The following CBARP variants were observed in gnomAD, a reference collection of about 807,000 sequenced individuals.
The protein encoded by CBARP is voltage-dependent calcium channel beta subunit-associated regulatory protein.
CBARP carries 24 observed loss-of-function variants against 36.3 expected under a neutral mutation model. That is an observed-to-expected ratio of 0.66 (90% CI 0.48 to 0.93). The LOEUF is 0.93. Among genes scored for constraint, CBARP ranks in the 40% least tolerant of loss-of-function variants. The pLI is 0.00. For missense variants in CBARP, 1,146 were observed against 980.4 expected, an observed-to-expected ratio of 1.17 and a Z score of -2.26; for synonymous variants, 586 against 453.2, an observed-to-expected ratio of 1.29 and a Z score of -3.72.
chr19:1,235,876 C>A lies in CBARP; in HGVS notation c.148G>T (p.Val50Leu). 1 of 1,612,380 alleles carries A rather than the reference C, an allele frequency of 6.2e-7. No homozygotes were observed. Among genetic ancestry groups the A allele is most frequent in the Non-Finnish European group, 8.5e-7 (1 of 1,179,934 alleles). Residue 50 changes from valine to leucine, a missense_variant, in exon 3 of 10, where the codon GTG becomes TTG. Coordinates refer to ENST00000650044, the MANE Select transcript of CBARP (RefSeq NM_001393918.1). The part of the protein sequence containing the change: ...PILDNYVLLV[V>L]VMSLFVGGTL... ...CCCCCCACGAACAGCGACATCACCA[C>A]CACCAGCAGCACGTAGTTGTCCAGG...
intron 1 of CBARP, 42 bp from the exon 2 acceptor site, chr19:1,236,163 C>G: frequency 7.3e-7 from 1 of 1,362,468 alleles, no homozygotes; most frequent in Non-Finnish European, 9.4e-7. Flanking sequence ...AGACCTACTT[C>G]TCCTGCAGGA....
chr19:1,231,509 C>T (rs1416372086), intron 8 of CBARP, among the ~76,000 whole-genome samples: 2 of 99,840 alleles, frequency 2.0e-5, no homozygotes, highest in Non-Finnish European at 4.2e-5. Flanking sequence ...ACATAGAACG[C>T]CTGTGCCCCC....
Position 1,229,765 on chromosome 19 carries a change from C to T in CBARP, c.1532G>A (p.Arg511His). ...TGGCTCGGTGTCGTCGCCTGCGCCGCGGCCCTCGATGCTGGCGTAGCCACT... is the reference window on the plus strand; with the variant it reads ...TGGCTCGGTGTCGTCGCCTGCGCCGTGGCCCTCGATGCTGGCGTAGCCACT... ...MDSGYASIEG[R>H]GAGDDTEPPA... The change falls in exon 10 of 10, where the codon CGC becomes CAC. Residue 511 changes from arginine to histidine, a missense_variant. Physicochemically the swap from Arg to His is conservative, Grantham distance 29. Coordinates refer to ENST00000650044, the MANE Select transcript of CBARP (RefSeq NM_001393918.1). This position sits in a 1 kb window ranked among gnomAD's most constrained non-coding sequence, Gnocchi z 5.1. The T allele has an allele frequency of 3.9e-6, 4 of 1,012,830 alleles. No individual in the cohort carries two copies. The highest frequency in any genetic ancestry group is 3.1e-5 in the South Asian group (1 of 32,086). The allele number at this position is 1,012,830 out of a possible 1,614,324, so 62.7% of individuals were successfully genotyped here.
At chr19:1,233,343 C>T (rs898786336) in intron 8 of CBARP, 83 bp downstream of exon 8, 14 of 1,364,712 alleles carry the variant, frequency 1.0e-5, no homozygotes, top group East Asian at 2.5e-5. Flanking sequence ...CCACAACCTC[C>T]TGCTCCTGGA....
rs545968500 is a variant in CBARP, at chr19:1,235,538, G to T, written c.273C>A (p.Thr91=). 10 of 1,606,902 alleles carry T rather than the reference G, an allele frequency of 6.2e-6. No homozygotes were observed. In the South Asian group the frequency reaches 1.1e-4, roughly 18 times the overall value. The change falls in exon 4 of 10, where the codon ACC becomes ACA. Residue 91 remains threonine, a synonymous_variant. Coordinates refer to ENST00000650044, the MANE Select transcript of CBARP (RefSeq NM_001393918.1). ...NRAMEEAEKT[T]TTYLDNGTHP... is the part of the protein sequence containing the mutation. Reference sequence around the variant, plus strand: ...GGGTGCCGTTGTCCAGGTAGGTGGTGGTGGTCTTCTCCGCTTCCTCCATGG... The same window carrying T: ...GGGTGCCGTTGTCCAGGTAGGTGGTTGTGGTCTTCTCCGCTTCCTCCATGG...
rs778477635 is a variant in CBARP at position 1,233,450 on chromosome 19, G to A, written c.955C>T (p.Arg319Trp). 8.1e-6 allele frequency: 13 copies of A among 1,595,544 alleles called. No individual in the cohort carries two copies. Among genetic ancestry groups the A allele is most frequent in the South Asian group, 4.5e-5 (4 of 88,788 alleles). ...CCTCTCGTGTCCAGACTGGCTGCCC[G>A]CTGGCTGGGCTCCAGCTTCCACTTC... ...VKKWKLEPSQRAASLDTRGSP... is the reference protein window; with the variant it reads ...VKKWKLEPSQWAASLDTRGSP... Residue 319 changes from arginine to tryptophan, a missense_variant, in exon 8 of 10, where the codon CGG becomes TGG. Coordinates refer to ENST00000650044, the MANE Select transcript of CBARP (RefSeq NM_001393918.1).
rs2080874569 is a variant in CBARP, at chr19:1,230,397, G to C, written c.1155-255C>G. ...TGCAGACGGCGGGGCCCCCTCCCTT[G>C]GAAGCCCCCAGGAAAAGTCAACATG... On this transcript the variant is annotated intron_variant, in intron 9 of 9. Transcript: ENST00000650044. 12 of 987,566 alleles carry C rather than the reference G, an allele frequency of 1.2e-5. No homozygotes were observed. The South Asian group carries it at 5.2e-4, about 42-fold the overall frequency. 61.2% of individuals were successfully genotyped at this position (987,566 alleles called of 1,614,324 possible). A position where few individuals can be genotyped will look rare whatever the true frequency, so the allele number is the denominator to read the frequency against.
chr19:1,229,530 G>A lies in CBARP; in HGVS notation c.1767C>T (p.Asp589=), dbSNP rs889171640. ...KQWQRGRQHS[D]PGARAAPALA... ...GGGCCGGGGCCGCGCGGGCGCCGGG[G>A]TCGCTGTGCTGCCGGCCACGCTGCC... Residue 589 remains aspartate (D), a synonymous_variant, in exon 10 of 10, where the codon GAC becomes GAT. Transcript: ENST00000650044. The surrounding 1 kb of genome is among the most constrained non-coding windows in gnomAD (Gnocchi z 5.1). 6.1e-6 allele frequency: 6 copies of A among 981,154 alleles called. No individual in the cohort carries two copies. Among genetic ancestry groups the A allele is most frequent in the Non-Finnish European group, 7.2e-6 (6 of 828,672 alleles). 60.8% of individuals were successfully genotyped at this position (981,154 alleles called of 1,614,324 possible). A position where few individuals can be genotyped will look rare whatever the true frequency, so the allele number is the denominator to read the frequency against.
rs532949486 is a variant in CBARP, at chr19:1,231,829, C to T, written c.980-554G>A. On this transcript the variant is annotated intron_variant, in intron 8 of 9. Transcript: ENST00000650044. ...GGCACGGAGGGAAGAGGTGCTGGGA[C>T]CAGAGAGCCTGAGCAGGGCAGGGCC... Among the ~76,000 whole-genome samples the T allele has an allele frequency of 1.1e-3, 162 of 151,974 alleles. 7 individuals carry two copies. The highest frequency in any genetic ancestry group is 0.011 in the Admixed American group (161 of 15,268).
intron 8 of CBARP, 85 bp from the exon 9 acceptor site, chr19:1,231,360 C>T: frequency 8.1e-7 from 1 of 1,232,072 alleles, no homozygotes; most frequent in Non-Finnish European, 1.1e-6. Context: ...GCCCCCCCGC[C>T]ACACACACAC....
intron 7 of CBARP, 101 bp from the exon 8 acceptor site, chr19:1,233,737 C>A (rs2080924632): frequency 3.3e-5 from 38 of 1,165,186 alleles, no homozygotes; most frequent in Non-Finnish European, 4.5e-5. Context: ...CAAGGGCCCC[C>A]CATCACTGGG....
Position 1,232,005 on chromosome 19 carries a change from A to G in CBARP, c.980-730T>C, listed in dbSNP as rs2080900604. On this transcript the variant is annotated intron_variant, in intron 8 of 9. Coordinates refer to ENST00000650044, the MANE Select transcript of CBARP (RefSeq NM_001393918.1). ...CGGAAGGCATGAGAGAGTCACATAC[A>G]GGCTGGTGGGGGCCAACGAGGAGAG... 2.6e-5 allele frequency among the ~76,000 whole-genome samples: 4 copies of G among 152,048 alleles called. No homozygotes were observed. The South Asian group carries it at 6.2e-4, about 24-fold the overall frequency.
chr19:1,230,864 G>T (rs982499202), intron 9 of CBARP: 12 of 1,497,700 alleles, frequency 8.0e-6, no homozygotes, highest in Non-Finnish European at 8.0e-6. Context: ...TCCTCGGGGG[G>T]CCCCTCCTCC....
chr19:1,230,638 C>T, intron 9 of CBARP: 2 of 1,263,776 alleles, frequency 1.6e-6, no homozygotes, highest in Non-Finnish European at 2.0e-6. Context: ...CAGCCCCACG[C>T]CCCATTCCCA....
At chr19:1,232,923 G>A (rs911398689) in intron 8 of CBARP, among the ~76,000 whole-genome samples, 1 of 152,260 alleles carries the variant, frequency 6.6e-6, no homozygotes, top group East Asian at 1.9e-4. Context: ...CGTGTTAGAG[G>A]AAGTCAGAGC....
intron 6 of CBARP, 106 bp from the exon 7 acceptor site, chr19:1,234,437 C>T: frequency 7.0e-7 from 1 of 1,434,638 alleles, no homozygotes; most frequent in South Asian, 1.5e-5. Context: ...GCCCCCTGCC[C>T]TGCTCCACCC....
rs768045436 is a variant in CBARP at position 1,234,982 on chromosome 19, C to A, written c.455+19G>T. 5 of 1,591,576 alleles carry A rather than the reference C, an allele frequency of 3.1e-6. No individual in the cohort carries two copies. The highest frequency in any genetic ancestry group is 4.3e-6 in the Non-Finnish European group (5 of 1,166,754). ...CCTCAGACAGGCCCTGGGGTGCCTCCCAACGCCGCCCCGCTTACCGGCGAC... is the reference window on the plus strand; with the variant it reads ...CCTCAGACAGGCCCTGGGGTGCCTCACAACGCCGCCCCGCTTACCGGCGAC... On this transcript the variant is annotated intron_variant, in intron 5 of 9. Transcript: ENST00000650044.
At position 1,229,211 on chromosome 19, in the gene CBARP, C is replaced by T; in HGVS notation, c.2086G>A (p.Ala696Thr). The change falls in exon 10 of 10, where the codon GCC (alanine) becomes ACC (threonine). Residue 696 changes from alanine (A) to threonine (T), a missense_variant. Transcript: ENST00000650044. This position sits in a 1 kb window ranked among gnomAD's most constrained non-coding sequence, Gnocchi z 5.1. ...VVATPALVAA[A>T]PTSPDHSPA Reference sequence around the variant, plus strand: ...GGGCTGTGGTCGGGGGACGTGGGGGCGGCGGCGACCAACGCGGGAGTCGCC... The same window carrying T: ...GGGCTGTGGTCGGGGGACGTGGGGGTGGCGGCGACCAACGCGGGAGTCGCC... The T allele has an allele frequency of 2.5e-6, 3 of 1,206,892 alleles. No individual in the cohort carries two copies. Among genetic ancestry groups the T allele is most frequent in the Non-Finnish European group, 2.1e-6 (2 of 949,146 alleles). 74.8% of individuals were successfully genotyped at this position (1,206,892 alleles called of 1,614,324 possible).
chr19:1,236,859 G>GC (rs1450356526), intron 1 of CBARP, among the ~76,000 whole-genome samples: 2 of 146,116 alleles, frequency 1.4e-5, no homozygotes, highest in Non-Finnish European at 3.0e-5. Context: ...CCTGGGGGGG[G>GC]GCGGCGGCCT....
Sources: allele counts gnomAD v4.1 joint callset (sites outside exome capture counted in the v4.1 genomes callset), GRCh38; gene constraint gnomAD v4.1.1; non-coding constraint Gnocchi (gnomAD v3.1); transcripts MANE v1.5; gene names NCBI Gene and HGNC (gene_info 2026-07-23, HGNC 2026-07-21).